ABCD2: variants seen among roughly 807,000 people sequenced by gnomAD.
ABCD2 encodes ATP-binding cassette sub-family D member 2.
ABCD2 carries 36 observed loss-of-function variants against 70.9 expected under a neutral mutation model. That is an observed-to-expected ratio of 0.51 (90% CI 0.39 to 0.67). ABCD2 has a LOEUF of 0.67. Ranked by LOEUF, ABCD2 falls within the 30% of genes least tolerant of loss-of-function variation. The probability of loss-of-function intolerance (pLI) is 0.00; values close to 1 mark genes in which losing one functional copy is unlikely to be tolerated. For missense variants in ABCD2, 729 were observed against 890.2 expected, an observed-to-expected ratio of 0.82 and a Z score of 2.30; for synonymous variants, 304 against 306.9, an observed-to-expected ratio of 0.99 and a Z score of 0.10.
At chr12:39,563,343 G>A (rs973610001) in intron 9 of ABCD2, among the ~76,000 whole-genome samples, 3 of 152,060 alleles carry the variant, frequency 2.0e-5, no homozygotes, top group Non-Finnish European at 4.4e-5. Context: ...AGTGAGATAT[G>A]ATCACACCTC....
chr12:39,570,734 A>G (rs1941436050), intron 9 of ABCD2, among the ~76,000 whole-genome samples: 1 of 152,196 alleles, frequency 6.6e-6, no homozygotes, highest in Non-Finnish European at 1.5e-5. Flanking sequence ...TAGGCAACAA[A>G]AGTAAAAATA....
At chr12:39,546,047 G>C (rs1187560751), downstream of ABCD2, among the ~76,000 whole-genome samples, 1 of 152,124 alleles carries the variant, frequency 6.6e-6, no homozygotes, top group East Asian at 1.9e-4. Flanking sequence ...ATTTAAACCA[G>C]TGAGTTAATT....
chr12:39,599,076 T>C (rs938467999), intron 6 of ABCD2, among the ~76,000 whole-genome samples: 6 of 152,198 alleles, frequency 3.9e-5, no homozygotes, highest in African/African-American at 1.4e-4. Context: ...AGTTGGTTTT[T>C]TTGCTTAAGC....
At position 39,569,427 on chromosome 12, in the gene ABCD2, G is replaced by T. The variant is rs368965816; in HGVS notation, c.2003+4289C>A. Among the ~76,000 whole-genome samples, 231 of 152,334 alleles carry T rather than the reference G, an allele frequency of 1.5e-3. 1 individual carries two copies. Among genetic ancestry groups the T allele is most frequent in the African/African-American group, 4.9e-3 (202 of 41,576 alleles). On this transcript the variant is annotated intron_variant, in intron 9 of 9. Coordinates refer to ENST00000308666, the MANE Select transcript of ABCD2 (RefSeq NM_005164.4). Reference sequence around the variant, plus strand: ...CGTGGGCATAGTACCCTCCGAGCCAGGCACGGGATATAATATCCTGGTGTG... The same window carrying T: ...CGTGGGCATAGTACCCTCCGAGCCATGCACGGGATATAATATCCTGGTGTG...
At chr12:39,544,765 G>C in the ABCD2 span, among the ~76,000 whole-genome samples, 2 of 152,190 alleles carry the variant, frequency 1.3e-5, no homozygotes, top group Non-Finnish European at 2.9e-5. Context: ...GTGAACCCCA[G>C]GGTGAGAAGA....
chr12:39,559,378 CAAAAAAAAA>C (rs199560381), intron 9 of ABCD2, among the ~76,000 whole-genome samples: 29 of 60,382 alleles, frequency 4.8e-4, no homozygotes, highest in African/African-American at 1.3e-3. Context: ...ACTCCAGCTC[CAAAAAAAAA>C]AAAAAAAAAA....
chr12:39,548,589 C>T (rs78504199), downstream of ABCD2, among the ~76,000 whole-genome samples: 12,925 of 151,832 alleles, frequency 0.085, 1,169 homozygotes, highest in African/African-American at 0.23. Context: ...ATTATAAGAC[C>T]TCTTTTGCAC....
chr12:39,546,289 AT>A (rs35143281), downstream of ABCD2, among the ~76,000 whole-genome samples: 51,924 of 151,826 alleles, frequency 0.34, 10,965 homozygotes, highest in African/African-American at 0.6. Flanking sequence ...TTTCATTCAC[AT>A]TTTTTATTTT....
At position 39,584,737 on chromosome 12, in the gene ABCD2, G is replaced by A. The variant is rs190743473; in HGVS notation, c.1792+1415C>T. On this transcript the variant is annotated intron_variant, in intron 7 of 9. Transcript: ENST00000308666. ...GTCCAGCTTCAGTCTTCTGCATATGGCCAGCCAGTTATCACAGCACCATTT... is the reference window on the plus strand; with the variant it reads ...GTCCAGCTTCAGTCTTCTGCATATGACCAGCCAGTTATCACAGCACCATTT... 2.5e-3 allele frequency among the ~76,000 whole-genome samples: 385 copies of A among 152,226 alleles called. 3 individuals are homozygous for A. The highest frequency in any genetic ancestry group is 6.8e-3 in the Middle Eastern group (2 of 294).
At chr12:39,618,650 C>T in intron 1 of ABCD2, 27 bp downstream of exon 1, 2 of 1,581,510 alleles carry the variant, frequency 1.3e-6, no homozygotes, top group Non-Finnish European at 1.7e-6. Flanking sequence ...TTTCACATTT[C>T]ACCCATCACC....
chr12:39,544,742 A>G, the ABCD2 span, among the ~76,000 whole-genome samples: 1 of 152,270 alleles, frequency 6.6e-6, no homozygotes, highest in South Asian at 2.1e-4. Flanking sequence ...CAGGAGACAT[A>G]GTGGGAATGG....
the ABCD2 span, among the ~76,000 whole-genome samples, chr12:39,531,586 G>T: frequency 1.3e-5 from 2 of 152,192 alleles, no homozygotes; most frequent in Non-Finnish European, 2.9e-5. Flanking sequence ...GCTCTCTCTG[G>T]CTGGACTTCA....
chr12:39,537,485 G>C, the ABCD2 span, among the ~76,000 whole-genome samples: 3 of 152,194 alleles, frequency 2.0e-5, no homozygotes, highest in Admixed American at 2.0e-4. Context: ...CTAGGATTTA[G>C]ATTTTAACAT....
chr12:39,593,657 T>A (rs957750260), intron 6 of ABCD2, among the ~76,000 whole-genome samples: 1 of 152,178 alleles, frequency 6.6e-6, no homozygotes, highest in African/African-American at 2.4e-5. Flanking sequence ...TCAAGCCCTT[T>A]CTGCAGAACT....
At chr12:39,585,841 A>G (rs979724839) in intron 7 of ABCD2, among the ~76,000 whole-genome samples, 1 of 152,132 alleles carries the variant, frequency 6.6e-6, no homozygotes, top group Non-Finnish European at 1.5e-5. Context: ...TCTGTCATAG[A>G]CTTTACATAC....
chr12:39,576,881 A>G (rs569710028), intron 8 of ABCD2, among the ~76,000 whole-genome samples: 3 of 152,204 alleles, frequency 2.0e-5, no homozygotes, highest in African/African-American at 7.2e-5. Flanking sequence ...TATACCTAAA[A>G]TATGTGTATT....
intron 2 of ABCD2, among the ~76,000 whole-genome samples, chr12:39,611,942 A>G (rs1011553024): frequency 3.5e-4 from 53 of 152,164 alleles, no homozygotes; most frequent in African/African-American, 1.3e-3. Context: ...AAAGACTTAC[A>G]GGCACGTCAT....
chr12:39,559,639 A>G (rs1233994213), intron 9 of ABCD2, among the ~76,000 whole-genome samples: 2 of 152,158 alleles, frequency 1.3e-5, no homozygotes, highest in Non-Finnish European at 2.9e-5. Context: ...CAAGAAAAAA[A>G]AATAACACAT....
chr12:39,559,970 C>A (rs376847562), intron 9 of ABCD2, among the ~76,000 whole-genome samples: 4 of 152,204 alleles, frequency 2.6e-5, no homozygotes, highest in African/African-American at 4.8e-5. Context: ...CAGTCAAATT[C>A]AGAATACTCA....
Sources: gnomAD v4.1 joint callset for allele counts (sites outside exome capture counted in the v4.1 genomes callset) on GRCh38, gnomAD v4.1.1 for gene constraint, MANE v1.5 for transcripts, NCBI Gene and HGNC (gene_info 2026-07-23, HGNC 2026-07-21) for gene names.